The following PTPDC1 variants were observed in gnomAD, a reference collection of about 807,000 sequenced individuals.
The protein encoded by PTPDC1 is protein tyrosine phosphatase domain containing 1.
PTPDC1 carries 53 observed loss-of-function variants against 75.3 expected under a neutral mutation model. The ratio of observed to expected loss-of-function variants is 0.70; its 90% CI spans 0.56 to 0.88. The LOEUF (loss-of-function observed/expected upper bound fraction) is 0.88, where lower values mean the gene tolerates loss of function less well. Ranked by LOEUF, PTPDC1 falls within the 40% of genes least tolerant of loss-of-function variation. The probability of loss-of-function intolerance (pLI) is 0.00; values close to 1 mark genes in which losing one functional copy is unlikely to be tolerated. For missense variants in PTPDC1, 925 were observed against 998.6 expected (o/e 0.93, Z 0.99); for synonymous variants, 349 against 366.2 (o/e 0.95, Z 0.54).
chr9:94,105,972 C>CA (rs1175784474), intron 8 of PTPDC1, among the ~76,000 whole-genome samples: 102 of 130,152 alleles, frequency 7.8e-4, no homozygotes, highest in South Asian at 1.4e-3. Flanking sequence ...GACTCCATCT[C>CA]AAAAAAAAAA....
chr9:94,037,661 A>C (rs994975530), intron 1 of PTPDC1, among the ~76,000 whole-genome samples: 1 of 152,188 alleles, frequency 6.6e-6, no homozygotes, highest in Non-Finnish European at 1.5e-5. Flanking sequence ...GGATAAATTC[A>C]GAAACCCAAA....
chr9:94,032,605 A>G (rs1829748830), intron 1 of PTPDC1, among the ~76,000 whole-genome samples: 1 of 152,226 alleles, frequency 6.6e-6, no homozygotes, highest in Admixed American at 6.5e-5. Flanking sequence ...TTGCTTTTTT[A>G]AAATGAGCTT....
chr9:94,099,273 G>T (rs2118073549), intron 6 of PTPDC1, among the ~76,000 whole-genome samples: 2 of 152,150 alleles, frequency 1.3e-5, no homozygotes, highest in South Asian at 4.2e-4. Context: ...CACTTTCTTT[G>T]CCCTGAATGA....
chr9:94,071,056 A>G (rs1826498482), intron 2 of PTPDC1, among the ~76,000 whole-genome samples: 1 of 152,132 alleles, frequency 6.6e-6, no homozygotes, highest in Non-Finnish European at 1.5e-5. Context: ...AGGTCATATG[A>G]TAGTTGCATG....
intron 4 of PTPDC1, among the ~76,000 whole-genome samples, chr9:94,091,418 T>A (rs1469580945): frequency 1.3e-5 from 2 of 152,036 alleles, no homozygotes; most frequent in African/African-American, 2.4e-5. Context: ...CAGCCTTGCA[T>A]CCCAGGGATG....
At chr9:94,035,279 C>T (rs188843715) in intron 1 of PTPDC1, among the ~76,000 whole-genome samples, 8 of 152,150 alleles carry the variant, frequency 5.3e-5, no homozygotes, top group African/African-American at 1.2e-4. Context: ...AAACCCTATC[C>T]TTCTTGTCTA....
intron 4 of PTPDC1, among the ~76,000 whole-genome samples, chr9:94,089,776 T>C (rs1227641474): frequency 2.3e-4 from 8 of 35,200 alleles, no homozygotes; most frequent in South Asian, 1.3e-3. Flanking sequence ...CCATTCTAAC[T>C]GGTGTGAGAT....
At chr9:94,046,905 A>G (rs189082775) in intron 1 of PTPDC1, among the ~76,000 whole-genome samples, 95 of 152,326 alleles carry the variant, frequency 6.2e-4, no homozygotes, top group Non-Finnish European at 1.1e-3. Context: ...GGTGAGAGAC[A>G]GCATCCCTGT....
At chr9:94,077,890 T>TA (rs1826747668) in intron 2 of PTPDC1, among the ~76,000 whole-genome samples, 2 of 152,192 alleles carry the variant, frequency 1.3e-5, no homozygotes, top group South Asian at 4.1e-4. Context: ...CTCATTAACA[T>TA]ACAAAAAGAT....
At chr9:94,103,364 C>T (rs1041300228) in intron 7 of PTPDC1, among the ~76,000 whole-genome samples, 2 of 152,182 alleles carry the variant, frequency 1.3e-5, no homozygotes, top group African/African-American at 4.8e-5. Context: ...GCCCATTTCA[C>T]AGACAAGGAA....
intron 5 of PTPDC1, among the ~76,000 whole-genome samples, chr9:94,096,429 G>A (rs944511094): frequency 1.3e-5 from 2 of 152,214 alleles, no homozygotes; most frequent in Non-Finnish European, 2.9e-5. Flanking sequence ...TGGAGAGCAT[G>A]CAGTTTTCAG....
chr9:94,103,026 ACATGGACG>A (rs1239084001), intron 7 of PTPDC1, among the ~76,000 whole-genome samples: 1 of 91,788 alleles, frequency 1.1e-5, no homozygotes, highest in Non-Finnish European at 2.1e-5. Context: ...ACACACGGAC[ACATGGACG>A]GATGCACATG....
intron 1 of PTPDC1, among the ~76,000 whole-genome samples, chr9:94,039,181 AG>A (rs1825357258): frequency 6.6e-6 from 1 of 152,172 alleles, no homozygotes. Context: ...TGTGATCATA[AG>A]ACTTAAAATA....
At position 94,036,023 on chromosome 9, in the gene PTPDC1, G is replaced by GTTTTTTT. The variant is rs200873026; in HGVS notation, c.-7+4901_-7+4907dup. ...TTGCCCATTTTTAATCGGATTATTT[G>GTTTTTTT]TTTTTTTTTTTGTTTTTTTTTTGCT... On this transcript the variant is annotated intron_variant, in intron 1 of 9. Coordinates refer to the PTPDC1 transcript ENST00000375360. 1.5e-3 allele frequency among the ~76,000 whole-genome samples: 127 copies of GTTTTTTT among 85,434 alleles called. 2 individuals carry two copies. The highest frequency in any genetic ancestry group is 2.7e-3 in the African/African-American group (52 of 19,234). 56.0% of individuals were successfully genotyped at this position (85,434 alleles called of 152,430 possible).
intron 1 of PTPDC1, among the ~76,000 whole-genome samples, chr9:94,033,394 GA>G (rs1407398521): frequency 6.6e-6 from 1 of 152,162 alleles, no homozygotes; most frequent in South Asian, 2.1e-4. Flanking sequence ...TGTTGTTACT[GA>G]AAAAGTTGTA....
intron 6 of PTPDC1, among the ~76,000 whole-genome samples, chr9:94,099,432 C>T (rs1037170739): frequency 3.3e-5 from 5 of 152,008 alleles, no homozygotes. Context: ...TTTAATAGCT[C>T]GCTTTCATAG....
intron 2 of PTPDC1, among the ~76,000 whole-genome samples, chr9:94,068,512 G>A (rs1332311786): frequency 1.3e-5 from 2 of 151,982 alleles, no homozygotes; most frequent in African/African-American, 4.8e-5. Flanking sequence ...ATGTCATTTT[G>A]CCCCGTCACT....
chr9:94,046,338 G>C (rs937615504), intron 1 of PTPDC1, among the ~76,000 whole-genome samples: 1 of 152,082 alleles, frequency 6.6e-6, no homozygotes, highest in Non-Finnish European at 1.5e-5. Flanking sequence ...GCTCTTTTTC[G>C]GTTCCATATG....
intron 1 of PTPDC1, among the ~76,000 whole-genome samples, chr9:94,037,805 A>G (rs117276182): frequency 0.045 from 6,901 of 152,246 alleles, 248 homozygotes; most frequent in Middle Eastern, 0.099. Flanking sequence ...AAGTCGCTGA[A>G]GGAAAGTTAT....
Sources: allele counts gnomAD v4.1 joint callset (sites outside exome capture counted in the v4.1 genomes callset), GRCh38; gene constraint gnomAD v4.1.1; transcripts MANE v1.5; gene names NCBI Gene and HGNC (gene_info 2026-07-23, HGNC 2026-07-21).